Variants in HPSE2 observed in about 807,000 individuals in gnomAD.
The protein encoded by HPSE2 is heparanase 2 (inactive).
A neutral mutation model predicts 60.5 loss-of-function variants in HPSE2; 38 were observed. The ratio of observed to expected loss-of-function variants is 0.63; its 90% CI spans 0.48 to 0.82. The LOEUF (loss-of-function observed/expected upper bound fraction) is 0.82. HPSE2 is among the 40% of genes least tolerant of loss of function. The probability of loss-of-function intolerance (pLI) is 0.00; values close to 1 mark genes in which losing one functional copy is unlikely to be tolerated. For missense variants in HPSE2, 713 were observed against 740.4 expected, an observed-to-expected ratio of 0.96 and a Z score of 0.43; for synonymous variants, 295 against 293.2, an observed-to-expected ratio of 1.01 and a Z score of -0.06.
intron 2 of HPSE2, among the ~76,000 whole-genome samples, chr10:99,165,897 T>A (rs1213176115): frequency 6.6e-6 from 1 of 152,140 alleles, no homozygotes; most frequent in Non-Finnish European, 1.5e-5. Context: ...CCCATTACCA[T>A]ACAAAATAAT....
the HPSE2 span, among the ~76,000 whole-genome samples, chr10:99,245,008 A>T: frequency 1.3e-5 from 2 of 152,106 alleles, no homozygotes; most frequent in Admixed American, 6.5e-5. Context: ...CCTTTTCATT[A>T]TCTAGAGATA....
chr10:98,483,781 A>G (rs920132335), intron 10 of HPSE2, among the ~76,000 whole-genome samples: 4 of 152,230 alleles, frequency 2.6e-5, no homozygotes, highest in Non-Finnish European at 5.9e-5. Flanking sequence ...TGATGTGGGC[A>G]GAGGTACAGT....
chr10:99,130,629 G>A (rs1219760527), intron 3 of HPSE2, among the ~76,000 whole-genome samples: 1 of 152,176 alleles, frequency 6.6e-6, no homozygotes, highest in African/African-American at 2.4e-5. Flanking sequence ...CTTGGTTTAG[G>A]AAGGGGAGGG....
intron 3 of HPSE2, among the ~76,000 whole-genome samples, chr10:98,769,836 T>C (rs188447956): frequency 1.2e-4 from 18 of 152,312 alleles, no homozygotes; most frequent in African/African-American, 4.1e-4. Flanking sequence ...ACCAGCAGAC[T>C]ATCAACATGG....
chr10:99,232,260 C>CGA, intron 2 of HPSE2, 88 bp downstream of exon 2: 1 of 1,415,012 alleles, frequency 7.1e-7, no homozygotes, highest in Non-Finnish European at 9.8e-7. Context: ...CACACACGAA[C>CGA]ACACAGACAC....
chr10:99,052,433 T>A (rs1449966089), intron 3 of HPSE2, among the ~76,000 whole-genome samples: 1 of 144,004 alleles, frequency 6.9e-6, no homozygotes, highest in Admixed American at 6.9e-5. Flanking sequence ...GTTAACAATA[T>A]CAAATAGTTG....
At position 98,829,507 on chromosome 10, in the gene HPSE2, T is replaced by C. The variant is rs534517829; in HGVS notation, c.611-85451A>G. Among the ~76,000 whole-genome samples, 9 of 151,404 alleles carry C rather than the reference T, an allele frequency of 5.9e-5. 1 individual carries two copies. The South Asian group carries it at 1.9e-3, about 32-fold the overall frequency. ...CTCCACTCCAGCCTGGGCGACACAG[T>C]GAGACTCCATCTCAAAAAAAACAAA... On this transcript the variant is annotated intron_variant, in intron 3 of 11. Coordinates refer to ENST00000370552, the MANE Select transcript of HPSE2 (RefSeq NM_021828.5).
intron 3 of HPSE2, among the ~76,000 whole-genome samples, chr10:98,916,664 AC>A (rs1378018831): frequency 1.3e-5 from 2 of 152,228 alleles, no homozygotes; most frequent in Non-Finnish European, 2.9e-5. Flanking sequence ...TACCATCTGC[AC>A]AGATTTATTC....
At chr10:99,141,345 C>G (rs1346995538) in intron 3 of HPSE2, among the ~76,000 whole-genome samples, 1 of 152,114 alleles carries the variant, frequency 6.6e-6, no homozygotes, top group Non-Finnish European at 1.5e-5. Flanking sequence ...CACTGATGCT[C>G]TACTGGAATT....
At chr10:98,621,187 A>G (rs1344266433) in intron 7 of HPSE2, among the ~76,000 whole-genome samples, 1 of 152,192 alleles carries the variant, frequency 6.6e-6, no homozygotes, top group East Asian at 1.9e-4. Flanking sequence ...GATTTATTTT[A>G]TAATTACTAG....
the HPSE2 span, among the ~76,000 whole-genome samples, chr10:99,297,447 T>C: frequency 6.6e-6 from 1 of 152,234 alleles, no homozygotes; most frequent in Middle Eastern, 3.2e-3. Context: ...AGTAACAGCC[T>C]TTGGCTAGGC....
chr10:98,962,767 A>G (rs1955712132), intron 3 of HPSE2, among the ~76,000 whole-genome samples: 1 of 150,110 alleles, frequency 6.7e-6, no homozygotes, highest in South Asian at 2.2e-4. Flanking sequence ...AAAAATCACA[A>G]GCATTCTTAT....
At chr10:99,042,569 C>T (rs576390313) in intron 3 of HPSE2, among the ~76,000 whole-genome samples, 27 of 152,004 alleles carry the variant, frequency 1.8e-4, no homozygotes, top group Admixed American at 1.5e-3. Flanking sequence ...GCACTGGAGC[C>T]GGAGAGCAGT....
chr10:98,586,590 G>A (rs188692962), intron 9 of HPSE2, among the ~76,000 whole-genome samples: 15 of 152,226 alleles, frequency 9.9e-5, no homozygotes, highest in African/African-American at 2.9e-4. Context: ...GAAAAAATAC[G>A]TTGTTATATT....
intron 3 of HPSE2, among the ~76,000 whole-genome samples, chr10:98,948,008 C>G (rs1276749505): frequency 6.6e-6 from 1 of 152,102 alleles, no homozygotes; most frequent in Non-Finnish European, 1.5e-5. Context: ...TTCTAATTCA[C>G]TCCCTAGATC....
intron 3 of HPSE2, among the ~76,000 whole-genome samples, chr10:98,938,101 T>A (rs1245598620): frequency 7.0e-6 from 1 of 142,380 alleles, no homozygotes; most frequent in Non-Finnish European, 1.5e-5. Flanking sequence ...ATCACCATCA[T>A]CAAAGACCAA....
intron 7 of HPSE2, among the ~76,000 whole-genome samples, chr10:98,625,614 G>A (rs1480655458): frequency 6.6e-6 from 1 of 152,270 alleles, no homozygotes; most frequent in Non-Finnish European, 1.5e-5. Context: ...GTCATCAATA[G>A]GTCCTTGGAA....
intron 3 of HPSE2, among the ~76,000 whole-genome samples, chr10:98,782,974 A>T (rs1421294420): frequency 4.4e-5 from 5 of 114,250 alleles, no homozygotes; most frequent in East Asian, 2.5e-4. Context: ...AGTTTTAGGG[A>T]ACATGTGCAC....
chr10:98,816,204 T>C lies in HPSE2; in HGVS notation c.611-72148A>G, dbSNP rs186253392. On this transcript the variant is annotated intron_variant, in intron 3 of 11. Transcript: ENST00000370552. ...AATAATAAAATAATTTAAAAAAAGA[T>C]TTAAAATGCAAAAGATAAGAAGCAG... Among the ~76,000 whole-genome samples the C allele has an allele frequency of 1.1e-4, 16 of 152,184 alleles. No homozygotes were observed. In the East Asian group the frequency reaches 3.1e-3, roughly 29 times the overall value.
Sources: gnomAD v4.1 joint callset for allele counts (sites outside exome capture counted in the v4.1 genomes callset) on GRCh38, gnomAD v4.1.1 for gene constraint, MANE v1.5 for transcripts, NCBI Gene and HGNC (gene_info 2026-07-23, HGNC 2026-07-21) for gene names.